RANBP2: variants seen among roughly 807,000 people sequenced by gnomAD.
RANBP2 encodes E3 SUMO-protein ligase RanBP2.
Under a neutral mutation model 303.6 loss-of-function variants are expected in RANBP2, and 57 were observed. That is an observed-to-expected ratio of 0.19 (90% confidence interval 0.15 to 0.23). The LOEUF (loss-of-function observed/expected upper bound fraction) is 0.23, where lower values mean the gene tolerates loss of function less well. Ranked by LOEUF, RANBP2 falls within the 10% of genes least tolerant of loss-of-function variation. The probability of loss-of-function intolerance (pLI) is 1.00; values close to 1 mark genes in which losing one functional copy is unlikely to be tolerated. For synonymous variants in RANBP2, 1,167 were observed against 1,301.5 expected, an observed-to-expected ratio of 0.90 and a Z score of 2.23; for missense variants, 3,138 against 3,780.8, an observed-to-expected ratio of 0.83 and a Z score of 4.46.
chr2:108,935,141 C>G, the RANBP2 span, among the ~76,000 whole-genome samples: 9 of 152,210 alleles, frequency 5.9e-5, no homozygotes, highest in Non-Finnish European at 8.8e-5. Context: ...TCTGCCACTC[C>G]TGCCTGAATT....
the RANBP2 span, among the ~76,000 whole-genome samples, chr2:109,557,841 T>C: frequency 6.6e-6 from 1 of 150,436 alleles, no homozygotes; most frequent in African/African-American, 2.4e-5. Flanking sequence ...TAGCTTGCTG[T>C]CATAATTTTC....
chr2:109,559,821 T>G, the RANBP2 span, among the ~76,000 whole-genome samples: 2 of 151,014 alleles, frequency 1.3e-5, no homozygotes, highest in Non-Finnish European at 2.9e-5. Context: ...TTCATTCCAC[T>G]CCCAGAGCTG....
At chr2:109,372,156 A>G in the RANBP2 span, among the ~76,000 whole-genome samples, 1 of 152,046 alleles carries the variant, frequency 6.6e-6, no homozygotes, top group South Asian at 2.1e-4. Context: ...TTATTGGGCA[A>G]CTCTTCTGCC....
At chr2:109,512,988 G>A in the RANBP2 span, among the ~76,000 whole-genome samples, 1 of 152,328 alleles carries the variant, frequency 6.6e-6, no homozygotes, top group East Asian at 1.9e-4. Context: ...CCTAAGGGAG[G>A]GAAACCTGCA....
the RANBP2 span, among the ~76,000 whole-genome samples, chr2:109,229,826 CTTTT>C: frequency 0.11 from 14,157 of 129,972 alleles, 1,231 homozygotes; most frequent in East Asian, 0.32. Context: ...CTTTTTCTTT[CTTTT>C]TTTTTTTTTT....
the RANBP2 span, among the ~76,000 whole-genome samples, chr2:109,020,360 C>T: frequency 1.3e-5 from 2 of 152,078 alleles, no homozygotes; most frequent in Non-Finnish European, 2.9e-5. Context: ...AGAGATCAAA[C>T]GAGGGAGGTC....
chr2:109,556,291 A>G, the RANBP2 span, among the ~76,000 whole-genome samples: 5 of 152,210 alleles, frequency 3.3e-5, no homozygotes, highest in Non-Finnish European at 7.3e-5. Flanking sequence ...AGAGAATACA[A>G]ATTCACTTTC....
the RANBP2 span, among the ~76,000 whole-genome samples, chr2:109,687,741 A>ATTTT: frequency 7.5e-6 from 1 of 133,474 alleles, no homozygotes; most frequent in Admixed American, 7.7e-5. Context: ...AGGTCAGGGG[A>ATTTT]TTTTTTTTTT....
the RANBP2 span, chr2:109,545,977 C>T: frequency 2.2e-5 from 33 of 1,504,842 alleles, no homozygotes; most frequent in East Asian, 1.8e-4. Flanking sequence ...AAGTAAGAAG[C>T]GCTAGGAAGA....
the RANBP2 span, among the ~76,000 whole-genome samples, chr2:109,243,667 C>G: frequency 6.6e-6 from 1 of 152,088 alleles, no homozygotes; most frequent in African/African-American, 2.4e-5. Context: ...GAGAAGGGGC[C>G]AGGGAGGCAA....
At chr2:109,461,769 A>C in the RANBP2 span, among the ~76,000 whole-genome samples, 1 of 152,256 alleles carries the variant, frequency 6.6e-6, no homozygotes, top group Non-Finnish European at 1.5e-5. Flanking sequence ...CATGTGGCCC[A>C]AGTGGTAGAG....
the RANBP2 span, among the ~76,000 whole-genome samples, chr2:109,393,856 C>A: frequency 5.9e-5 from 9 of 151,598 alleles, no homozygotes; most frequent in African/African-American, 2.2e-4. Context: ...TCCCTCATGA[C>A]TGGCTTGCCA....
In RANBP2 at chr2:108,766,679, C is replaced by T; in HGVS notation, c.6140C>T (p.Ala2047Val). ...SQRVKLFRFDAEVSQWKERGL... is the reference protein window; with the variant it reads ...SQRVKLFRFDVEVSQWKERGL... ...CGGGTAAAACTATTTAGATTTGATG[C>T]TGAGGTAAGTCAGTGGAAAGAAAGG... is the stretch of plus-strand genomic sequence containing the variant. The change falls in exon 20 of 29, where the codon GCT becomes GTT. Residue 2047 changes from alanine to valine, a missense_variant. Transcript: ENST00000283195. 2 of 1,611,894 alleles carry T rather than the reference C, an allele frequency of 1.2e-6. No individual in the cohort carries two copies. The highest frequency in any genetic ancestry group is 1.1e-5 in the South Asian group (1 of 90,986).
chr2:108,823,142 T>C, the RANBP2 span, among the ~76,000 whole-genome samples: 1 of 152,080 alleles, frequency 6.6e-6, no homozygotes, highest in African/African-American at 2.4e-5. Flanking sequence ...GTATCACTAA[T>C]TACAAAAAAA....
chr2:109,378,958 C>A, the RANBP2 span, among the ~76,000 whole-genome samples: 1 of 152,294 alleles, frequency 6.6e-6, no homozygotes, highest in East Asian at 1.9e-4. Flanking sequence ...CTCTACAGCT[C>A]CCTCCTCTCC....
intron 22 of RANBP2, 140 bp downstream of exon 22, chr2:108,772,721 A>G: frequency 8.2e-7 from 1 of 1,217,554 alleles, no homozygotes; most frequent in Non-Finnish European, 1.2e-6. Context: ...AACAGGTGAA[A>G]ATATTCTTTT....
At chr2:108,921,778 A>C in the RANBP2 span, among the ~76,000 whole-genome samples, 2 of 152,208 alleles carry the variant, frequency 1.3e-5, no homozygotes, top group Non-Finnish European at 2.9e-5. Flanking sequence ...ATCCACCCCA[A>C]GGCCTATCTG....
chr2:109,230,962 A>G, the RANBP2 span, among the ~76,000 whole-genome samples: 2 of 152,236 alleles, frequency 1.3e-5, no homozygotes, highest in African/African-American at 4.8e-5. Context: ...CATTTGCAGT[A>G]GGAGTTGGGT....
At chr2:109,312,925 C>T in the RANBP2 span, among the ~76,000 whole-genome samples, 11 of 152,100 alleles carry the variant, frequency 7.2e-5, no homozygotes, top group African/African-American at 1.9e-4. Context: ...CCTAGGTGTA[C>T]GTTATTGAAG....
Sources: gnomAD v4.1 joint callset for allele counts (sites outside exome capture counted in the v4.1 genomes callset) on GRCh38, gnomAD v4.1.1 for gene constraint, MANE v1.5 for transcripts, NCBI Gene and HGNC (gene_info 2026-07-23, HGNC 2026-07-21) for gene names.